Variants in SBK2 observed in about 807,000 individuals in gnomAD.
SBK2 encodes the protein SH3 domain binding kinase family member 2.
A neutral mutation model predicts 15.9 loss-of-function variants in SBK2; 18 were observed. The ratio of observed to expected loss-of-function variants is 1.13; its 90% CI spans 0.78 to 1.68. The LOEUF (loss-of-function observed/expected upper bound fraction) is 1.68, where lower values mean the gene tolerates loss of function less well. Ranked by LOEUF, SBK2 falls within the 40% of genes most tolerant of loss-of-function variation. The pLI, the probability that SBK2 is intolerant of heterozygous loss-of-function variation, is 0.00. For missense variants in SBK2, 581 were observed against 510.9 expected, an observed-to-expected ratio of 1.14 and a Z score of -1.32; for synonymous variants, 284 against 246.8, an observed-to-expected ratio of 1.15 and a Z score of -1.41.
At chr19:55,536,413 A>C in intron 1 of SBK2, 117 bp from the exon 2 acceptor site, 140 of 735,440 alleles carry the variant, frequency 1.9e-4, no homozygotes, top group Middle Eastern at 5.2e-4. Flanking sequence ...CGCGCTTCTC[A>C]TTGTGACTCA....
intron 3 of SBK2, among the ~76,000 whole-genome samples, chr19:55,530,893 G>C (rs1599941537): frequency 6.6e-6 from 1 of 152,164 alleles, no homozygotes; most frequent in African/African-American, 2.4e-5. Context: ...GACTTGATTG[G>C]GGTCCAGTGT....
chr19:55,528,986 G>C lies in SBK2; in HGVS notation c.*747C>G, dbSNP rs1161889046. On this transcript the variant is annotated 3_prime_UTR_variant, in exon 4 of 4. Coordinates refer to ENST00000413299, the MANE Select transcript of SBK2 (RefSeq NM_001370096.2). ...GAGGCAGACAGTAAGCATTTACAAC[G>C]CGCAGCTGTAATCCCAGCACTGCGG... 6.6e-6 allele frequency among the ~76,000 whole-genome samples: 1 copy of C among 152,186 alleles called. No individual in the cohort carries two copies. The highest frequency in any genetic ancestry group is 1.5e-5 in the Non-Finnish European group (1 of 68,042).
At position 55,530,031 on chromosome 19, in the gene SBK2, C is replaced by G; in HGVS notation, c.749G>C (p.Gly250Ala). The G allele has an allele frequency of 1.3e-6, 2 of 1,497,206 alleles. No homozygotes were observed. Among genetic ancestry groups the G allele is most frequent in the Non-Finnish European group, 1.8e-6 (2 of 1,127,166 alleles). 92.7% of individuals were successfully genotyped at this position (1,497,206 alleles called of 1,614,324 possible). A position where few individuals can be genotyped will look rare whatever the true frequency, so the allele number is the denominator to read the frequency against. The change falls in exon 4 of 4, where the codon GGC becomes GCC. Residue 250 changes from glycine to alanine, a missense_variant. Transcript: ENST00000413299. ...IQPALDAWALGVLLFCLLTGY... is the reference protein window; with the variant it reads ...IQPALDAWALAVLLFCLLTGY... ...CGTGAGGAGGCAGAAGAGCAGGACG[C>G]CCAGCGCCCAGGCGTCCAGGGCGGG...
Position 55,530,004 on chromosome 19 carries a change from C to A in SBK2, c.776G>T (p.Gly259Val). 6.6e-7 allele frequency: 1 copy of A among 1,521,316 alleles called. No homozygotes were observed. The highest frequency in any genetic ancestry group is 8.8e-7 in the Non-Finnish European group (1 of 1,136,738). 94.2% of individuals were successfully genotyped at this position (1,521,316 alleles called of 1,614,324 possible). A position where few individuals can be genotyped will look rare whatever the true frequency, so the allele number is the denominator to read the frequency against. ...LGVLLFCLLT[G>V]YFPWDRPLAE... ...CAGGGGCCGGTCCCAGGGGAAGTAG[C>A]CCGTGAGGAGGCAGAAGAGCAGGAC... The change falls in exon 4 of 4, where the codon GGC becomes GTC. Residue 259 changes from glycine (G) to valine (V), a missense_variant. Physicochemically the swap from Gly to Val is moderately radical, Grantham distance 109 (BLOSUM62 -3). Transcript: ENST00000413299.
At chr19:55,534,547 AC>A (rs1230885725) in intron 2 of SBK2, among the ~76,000 whole-genome samples, 2 of 151,138 alleles carry the variant, frequency 1.3e-5, no homozygotes, top group Non-Finnish European at 1.5e-5. Flanking sequence ...CTTAAAAAAA[AC>A]ATTTAAAAAT....
chr19:55,531,422 G>T, intron 2 of SBK2, 77 bp from the exon 3 acceptor site: 6 of 1,177,540 alleles, frequency 5.1e-6, no homozygotes, highest in South Asian at 1.3e-5. Context: ...TTCCCCTGTG[G>T]TCCCCTCAAT....
rs755477190 is a variant in SBK2 at position 55,528,646 on chromosome 19, T to C, written c.*1087A>G. Among the ~76,000 whole-genome samples, 28 of 152,094 alleles carry C rather than the reference T, an allele frequency of 1.8e-4. No individual in the cohort carries two copies. The highest frequency in any genetic ancestry group is 3.2e-4 in the Non-Finnish European group (22 of 68,018). On this transcript the variant is annotated 3_prime_UTR_variant, in exon 4 of 4. Transcript: ENST00000413299. ...AGATGGAGTTTATTTGCAGAGTGGC[T>C]GGGGCGAGAGAAGGCAAAACACATC...
Position 55,536,049 on chromosome 19 carries a change from AC to A in SBK2, c.245del (p.Arg82LeufsTer9), listed in dbSNP as rs769939216. The A allele has an allele frequency of 6.8e-7, 1 of 1,478,322 alleles. No homozygotes were observed. Among genetic ancestry groups the A allele is most frequent in the Non-Finnish European group, 9.0e-7 (1 of 1,107,836 alleles). The allele number at this position is 1,478,322 out of a possible 1,614,324, so 91.6% of individuals were successfully genotyped here. ...CYGRVLLVTH[R>X]QKGTPLALKQ... ...GGCCCCACAGCCTCGTACCTTTCTGACGATGGGTGACCAGAAGGACGCGGCC... is the reference window on the plus strand; with the variant it reads ...GGCCCCACAGCCTCGTACCTTTCTGAGATGGGTGACCAGAAGGACGCGGCC... On this transcript the variant is annotated frameshift_variant, in exon 2 of 4. Transcript: ENST00000413299. LOFTEE classifies it high-confidence loss of function.
At chr19:55,535,196 C>T (rs1988367927) in intron 2 of SBK2, among the ~76,000 whole-genome samples, 1 of 152,134 alleles carries the variant, frequency 6.6e-6, no homozygotes, top group Admixed American at 6.5e-5. Context: ...CCAACCCCCC[C>T]AGCACAGGGC....
chr19:55,531,485 C>T (rs1353371345), intron 2 of SBK2, 140 bp from the exon 3 acceptor site: 1 of 669,136 alleles, frequency 1.5e-6, no homozygotes, highest in African/African-American at 1.8e-5. Context: ...CCTCCAACTC[C>T]CACCTCCCTC....
chr19:55,531,630 G>C (rs1988270261), intron 2 of SBK2, among the ~76,000 whole-genome samples: 1 of 152,208 alleles, frequency 6.6e-6, no homozygotes, highest in South Asian at 2.1e-4. Flanking sequence ...GATCCGTTGA[G>C]GCCAGGAGTT....
At position 55,529,516 on chromosome 19, in the gene SBK2, C is replaced by A. The variant is rs1402798340; in HGVS notation, c.*217G>T. On this transcript the variant is annotated 3_prime_UTR_variant, in exon 4 of 4. Coordinates refer to ENST00000413299, the MANE Select transcript of SBK2 (RefSeq NM_001370096.2). ...CGAGAGCCACGCGGAGGTCTGAGAC[C>A]CTGGGGAAGGTGGCGGCAGGTATGG... is the stretch of plus-strand genomic sequence containing the variant. 6.6e-6 allele frequency among the ~76,000 whole-genome samples: 1 copy of A among 151,988 alleles called. No individual in the cohort carries two copies. Among genetic ancestry groups the A allele is most frequent in the Non-Finnish European group, 1.5e-5 (1 of 67,996 alleles).
chr19:55,536,817 G>C (rs1276658148), intron 1 of SBK2, among the ~76,000 whole-genome samples: 1 of 111,322 alleles, frequency 9.0e-6, no homozygotes, highest in Non-Finnish European at 1.8e-5. Context: ...GCCAGGCCCA[G>C]GGGTCCAGGC....
At chr19:55,531,749 G>A (rs1480282967) in intron 2 of SBK2, among the ~76,000 whole-genome samples, 2 of 152,222 alleles carry the variant, frequency 1.3e-5, no homozygotes, top group Admixed American at 6.5e-5. Context: ...AGACCGAGGC[G>A]GGTGGATTGC....
At chr19:55,530,542 C>T (rs1339565421) in intron 3 of SBK2, among the ~76,000 whole-genome samples, 37 of 23,664 alleles carry the variant, frequency 1.6e-3, no homozygotes, top group African/African-American at 2.6e-3. Context: ...TTAGTGGGGC[C>T]TAGTGTGACC....
At position 55,530,045 on chromosome 19, in the gene SBK2, G is replaced by A. The variant is rs1353850352; in HGVS notation, c.735C>T (p.Asp245=). The A allele has an allele frequency of 1.4e-5, 21 of 1,477,308 alleles. No homozygotes were observed. The highest frequency in any genetic ancestry group is 2.9e-5 in the African/African-American group (2 of 68,550). The allele number at this position is 1,477,308 out of a possible 1,614,324, so 91.5% of individuals were successfully genotyped here. Residue 245 remains aspartate, a synonymous_variant, in exon 4 of 4, where the codon GAC becomes GAT. Transcript: ENST00000413299. The part of the protein sequence containing the change: ...PEGLPIQPAL[D]AWALGVLLFC... ...AGAGCAGGACGCCCAGCGCCCAGGC[G>A]TCCAGGGCGGGCTGAATGGGCAGGC...
intron 2 of SBK2, among the ~76,000 whole-genome samples, chr19:55,533,892 G>A (rs1568492588): frequency 6.6e-6 from 1 of 151,922 alleles, no homozygotes; most frequent in African/African-American, 2.4e-5. Flanking sequence ...GACATGTTCA[G>A]GGCCCCAGCA....
chr19:55,535,677 G>C (rs1353646217), intron 2 of SBK2, among the ~76,000 whole-genome samples: 1 of 152,164 alleles, frequency 6.6e-6, no homozygotes, highest in African/African-American at 2.4e-5. Flanking sequence ...AGACCACCCT[G>C]GCCAACAGAG....
Position 55,535,792 on chromosome 19 carries a change from G to A in SBK2, c.253+250C>T, listed in dbSNP as rs369008329. On this transcript the variant is annotated intron_variant, in intron 2 of 3. Coordinates refer to ENST00000413299, the MANE Select transcript of SBK2 (RefSeq NM_001370096.2). ...CTAGCTACATGGGAGGCTGAGGCAG[G>A]AGGAACACTTGAACCTGGGAGGTGG... Among the ~76,000 whole-genome samples, 84 of 152,336 alleles carry A rather than the reference G, an allele frequency of 5.5e-4. 1 individual carries two copies. Among genetic ancestry groups the A allele is most frequent in the African/African-American group, 1.9e-3 (78 of 41,576 alleles).
Sources: allele counts gnomAD v4.1 joint callset (sites outside exome capture counted in the v4.1 genomes callset), GRCh38; gene constraint gnomAD v4.1.1; transcripts MANE v1.5; gene names NCBI Gene and HGNC (gene_info 2026-07-23, HGNC 2026-07-21).